PCDH7: variants seen among roughly 807,000 people sequenced by gnomAD.
PCDH7 encodes the protein protocadherin-7.
In PCDH7, 17 loss-of-function variants were observed where a neutral mutation model predicts 58.9. The ratio of observed to expected loss-of-function variants is 0.29; its 90% CI spans 0.20 to 0.43. The LOEUF is 0.43. Ranked by LOEUF, PCDH7 falls within the 20% of genes least tolerant of loss-of-function variation. The pLI, the probability that PCDH7 is intolerant of heterozygous loss-of-function variation, is 1.00. For synonymous variants in PCDH7, 664 were observed against 616.4 expected, an observed-to-expected ratio of 1.08 and a Z score of -1.14; for missense variants, 1,274 against 1,441.0, an observed-to-expected ratio of 0.88 and a Z score of 1.88.
intron 3 of PCDH7, among the ~76,000 whole-genome samples, chr4:30,951,944 T>C (rs529399923): frequency 6.6e-6 from 1 of 152,288 alleles, no homozygotes; most frequent in African/African-American, 2.4e-5. Context: ...TATTTGTTAC[T>C]CACTAAATGT....
chr4:31,130,061 A>G (rs1316542018), intron 3 of PCDH7, among the ~76,000 whole-genome samples: 1 of 152,192 alleles, frequency 6.6e-6, no homozygotes, highest in Non-Finnish European at 1.5e-5. Context: ...TAAATCCTAT[A>G]AAGTATTTAT....
chr4:31,134,990 T>C (rs1719423393), intron 3 of PCDH7, among the ~76,000 whole-genome samples: 1 of 152,164 alleles, frequency 6.6e-6, no homozygotes, highest in African/African-American at 2.4e-5. Flanking sequence ...AGTAGTAATG[T>C]CACATTCCAA....
chr4:31,043,994 A>G (rs1456206210), intron 3 of PCDH7, among the ~76,000 whole-genome samples: 3 of 152,132 alleles, frequency 2.0e-5, no homozygotes, highest in African/African-American at 7.2e-5. Context: ...CCTTTCTCTA[A>G]GGATATCTAA....
intron 3 of PCDH7, among the ~76,000 whole-genome samples, chr4:31,086,717 A>G (rs1456906933): frequency 6.6e-6 from 1 of 152,174 alleles, no homozygotes; most frequent in Non-Finnish European, 1.5e-5. Flanking sequence ...CATGGCATCT[A>G]TCTTAAAACA....
chr4:30,793,636 CAT>C (rs1724416752), intron 1 of PCDH7, among the ~76,000 whole-genome samples: 1 of 151,998 alleles, frequency 6.6e-6, no homozygotes, highest in Admixed American at 6.6e-5. Context: ...TGAGAATACA[CAT>C]ATACTTTGTT....
chr4:30,878,207 C>T (rs1401623965), intron 1 of PCDH7, among the ~76,000 whole-genome samples: 1 of 152,072 alleles, frequency 6.6e-6, no homozygotes, highest in East Asian at 1.9e-4. Context: ...CTCCTTCTGT[C>T]TTAATGCTTC....
At chr4:30,797,856 A>G (rs1205719700) in intron 1 of PCDH7, among the ~76,000 whole-genome samples, 1 of 152,210 alleles carries the variant, frequency 6.6e-6, no homozygotes, top group Non-Finnish European at 1.5e-5. Flanking sequence ...CTAGATGTTG[A>G]GTTTATCACA....
At chr4:30,990,564 G>T in intron 3 of PCDH7, among the ~76,000 whole-genome samples, 1 of 152,082 alleles carries the variant, frequency 6.6e-6, no homozygotes, top group Admixed American at 6.6e-5. Context: ...TGTTTAAGAA[G>T]AATATAAATC....
intron 1 of PCDH7, among the ~76,000 whole-genome samples, chr4:30,750,263 G>C (rs1005444955): frequency 2.6e-5 from 4 of 152,138 alleles, no homozygotes; most frequent in East Asian, 1.9e-4. Flanking sequence ...GGCCCTGAAG[G>C]CTGGAAATCC....
At chr4:30,869,085 A>C (rs1381265399) in intron 1 of PCDH7, 1 of 152,074 alleles carries the variant, frequency 6.6e-6, no homozygotes, top group East Asian at 1.9e-4. Context: ...GAAATACCAC[A>C]AGGTAGTGTG....
chr4:31,071,563 G>T (rs1171142014), intron 3 of PCDH7, among the ~76,000 whole-genome samples: 10 of 151,948 alleles, frequency 6.6e-5, no homozygotes, highest in Admixed American at 6.6e-4. Context: ...GCAAATTTTA[G>T]TTCTATTCTG....
chr4:31,119,882 G>C (rs562342024), intron 3 of PCDH7, among the ~76,000 whole-genome samples: 9 of 151,922 alleles, frequency 5.9e-5, no homozygotes, highest in Admixed American at 2.0e-4. Context: ...CTCTTAGTGC[G>C]TGTGTGTGGG....
At chr4:31,020,130 C>T (rs992178841) in intron 3 of PCDH7, among the ~76,000 whole-genome samples, 2 of 152,112 alleles carry the variant, frequency 1.3e-5, no homozygotes, top group African/African-American at 4.8e-5. Flanking sequence ...CAAACAAAAA[C>T]TAACCTAATT....
chr4:30,969,380 C>A (rs2109471023), intron 3 of PCDH7, among the ~76,000 whole-genome samples: 1 of 151,838 alleles, frequency 6.6e-6, no homozygotes. Context: ...CAAAGCTTTC[C>A]AGGGGAATGT....
intron 3 of PCDH7, among the ~76,000 whole-genome samples, chr4:31,016,194 T>C (rs938723840): frequency 3.1e-4 from 47 of 152,186 alleles, no homozygotes; most frequent in African/African-American, 1.1e-3. Flanking sequence ...TTCTACTTTT[T>C]CATTCACAAT....
chr4:30,901,589 T>C (rs891035240), intron 1 of PCDH7, among the ~76,000 whole-genome samples: 1 of 152,200 alleles, frequency 6.6e-6, no homozygotes, highest in Non-Finnish European at 1.5e-5. Context: ...GGGAATTTAC[T>C]GGGCTGTAAG....
chr4:30,822,229 T>C (rs1038614551), intron 1 of PCDH7, among the ~76,000 whole-genome samples: 1 of 152,176 alleles, frequency 6.6e-6, no homozygotes, highest in Non-Finnish European at 1.5e-5. Flanking sequence ...TCACATTTAT[T>C]TGCAAGCAAC....
intron 3 of PCDH7, among the ~76,000 whole-genome samples, chr4:31,105,834 C>T (rs1188852689): frequency 6.6e-6 from 1 of 151,762 alleles, no homozygotes. Flanking sequence ...GGTGAAACCC[C>T]GTCTTTACTA....
chr4:30,995,503 C>T lies in PCDH7; in HGVS notation c.*7+45288C>T, dbSNP rs535872238. Among the ~76,000 whole-genome samples, 3 of 148,634 alleles carry T rather than the reference C, an allele frequency of 2.0e-5. No individual in the cohort carries two copies. The South Asian group carries it at 6.6e-4, about 33-fold the overall frequency. Reference sequence around the variant, plus strand: ...CTCCAGCCTGGGCGACAGAGCGAGACTCCCTCCCAAAGGAAAAAAAAAAAA... The same window carrying T: ...CTCCAGCCTGGGCGACAGAGCGAGATTCCCTCCCAAAGGAAAAAAAAAAAA... On this transcript the variant is annotated intron_variant, in intron 3 of 3. Transcript: ENST00000509759.
Sources: gnomAD v4.1 joint callset for allele counts (sites outside exome capture counted in the v4.1 genomes callset) on GRCh38, gnomAD v4.1.1 for gene constraint, MANE v1.5 for transcripts, NCBI Gene and HGNC (gene_info 2026-07-23, HGNC 2026-07-21) for gene names.